CEP85L: variants seen among roughly 807,000 people sequenced by gnomAD.
The protein encoded by CEP85L is centrosomal protein of 85 kDa-like.
Under a neutral mutation model 100.3 loss-of-function variants are expected in CEP85L, and 60 were observed. That is an observed-to-expected ratio of 0.60 (90% CI 0.49 to 0.74). The LOEUF (loss-of-function observed/expected upper bound fraction) is 0.74. CEP85L is among the 30% of genes least tolerant of loss of function. The probability of loss-of-function intolerance (pLI) is 0.00; values close to 1 mark genes in which losing one functional copy is unlikely to be tolerated. For synonymous variants in CEP85L, 319 were observed against 322.7 expected (o/e 0.99, Z 0.12); for missense variants, 973 against 936.2 (o/e 1.04, Z -0.51).
At chr6:118,538,678 AAGAC>A (rs1199970858) in intron 3 of CEP85L, among the ~76,000 whole-genome samples, 2 of 125,558 alleles carry the variant, frequency 1.6e-5, no homozygotes, top group Non-Finnish European at 3.7e-5. Context: ...TGGTTTATCC[AAGAC>A]AGACAGTAAC....
At chr6:118,605,009 C>A (rs908253450) in intron 2 of CEP85L, among the ~76,000 whole-genome samples, 6 of 152,092 alleles carry the variant, frequency 3.9e-5, no homozygotes, top group Non-Finnish European at 8.8e-5. Flanking sequence ...CATAAACATA[C>A]AACACATATT....
chr6:118,565,483 C>T, intron 3 of CEP85L, 46 bp downstream of exon 3: 1 of 1,553,916 alleles, frequency 6.4e-7, no homozygotes, highest in Non-Finnish European at 8.9e-7. Context: ...CTACTGTACT[C>T]ATAACATCCA....
intron 3 of CEP85L, among the ~76,000 whole-genome samples, chr6:118,539,777 G>C (rs1426656020): frequency 3.3e-5 from 5 of 152,052 alleles, no homozygotes; most frequent in Non-Finnish European, 7.4e-5. Context: ...CTACTAAAGG[G>C]AGCTATCTTG....
At chr6:118,648,554 A>G (rs924190340) in intron 1 of CEP85L, among the ~76,000 whole-genome samples, 1 of 152,142 alleles carries the variant, frequency 6.6e-6, no homozygotes, top group Admixed American at 6.5e-5. Flanking sequence ...ACCCTGGGTA[A>G]CACGGTGAAA....
At chr6:118,569,811 A>T (rs1031179261) in intron 2 of CEP85L, among the ~76,000 whole-genome samples, 1 of 152,080 alleles carries the variant, frequency 6.6e-6, no homozygotes, top group Non-Finnish European at 1.5e-5. Flanking sequence ...ACTCAATTTT[A>T]AAATAGGCCA....
intron 1 of CEP85L, among the ~76,000 whole-genome samples, chr6:118,642,134 A>G (rs2115354314): frequency 6.6e-6 from 1 of 152,364 alleles, no homozygotes; most frequent in Admixed American, 6.5e-5. Flanking sequence ...GTACATTTTA[A>G]AATTGATAAA....
At chr6:118,580,345 C>T (rs1297812334) in intron 2 of CEP85L, among the ~76,000 whole-genome samples, 1 of 152,152 alleles carries the variant, frequency 6.6e-6, no homozygotes, top group African/African-American at 2.4e-5. Flanking sequence ...GTGCACTGGC[C>T]GGGAATCCGA....
rs1554228034 is a variant in CEP85L, at chr6:118,600,296, T to TGGGGGGGG, written c.232+32156_232+32157insCCCCCCCC. ...AGTACTGCCTGTCCCTGAGCCTTCC[T>TGGGGGGGG]GGGGGTGTGTGTGTGTGTGTGTGTG... On this transcript the variant is annotated intron_variant, in intron 2 of 12. Coordinates refer to ENST00000368491, the MANE Select transcript of CEP85L (RefSeq NM_001042475.3). 4.7e-4 allele frequency among the ~76,000 whole-genome samples: 16 copies of TGGGGGGGG among 34,166 alleles called. 4 individuals are homozygous for TGGGGGGGG. Among genetic ancestry groups the TGGGGGGGG allele is most frequent in the Admixed American group, 7.5e-4 (2 of 2,660 alleles). The allele number at this position is 34,166 out of a possible 152,430, so 22.4% of individuals were successfully genotyped here. A position where few individuals can be genotyped will look rare whatever the true frequency, so the allele number is the denominator to read the frequency against.
At chr6:118,503,523 A>T (rs1264959278) in intron 5 of CEP85L, among the ~76,000 whole-genome samples, 3 of 152,166 alleles carry the variant, frequency 2.0e-5, no homozygotes, top group Non-Finnish European at 4.4e-5. Context: ...TACTGACACT[A>T]CCCAACTTCA....
At chr6:118,546,818 C>T (rs1778232749) in intron 3 of CEP85L, among the ~76,000 whole-genome samples, 1 of 152,088 alleles carries the variant, frequency 6.6e-6, no homozygotes, top group Admixed American at 6.5e-5. Flanking sequence ...ATGGTTGTAG[C>T]ACTGAGAAAA....
At chr6:118,503,737 A>AG (rs1441631901) in intron 5 of CEP85L, among the ~76,000 whole-genome samples, 1 of 151,826 alleles carries the variant, frequency 6.6e-6, no homozygotes, top group Non-Finnish European at 1.5e-5. Flanking sequence ...CCACATGCAA[A>AG]GAAAAAAAAA....
intron 2 of CEP85L, among the ~76,000 whole-genome samples, chr6:118,580,712 A>T (rs981890837): frequency 6.6e-6 from 1 of 152,220 alleles, no homozygotes; most frequent in African/African-American, 2.4e-5. Context: ...AGACCTCTGG[A>T]CCAGACCCAG....
chr6:118,479,748 C>T, intron 10 of CEP85L, 123 bp downstream of exon 10: 1 of 460,568 alleles, frequency 2.2e-6, no homozygotes, highest in Non-Finnish European at 3.8e-6. Flanking sequence ...GCAACTTTAC[C>T]TCAGTGCTAT....
chr6:118,537,520 G>A, intron 3 of CEP85L: 1 of 985,150 alleles, frequency 1.0e-6, no homozygotes, highest in Non-Finnish European at 1.2e-6. Flanking sequence ...ATATACATAG[G>A]TACCTCTTCT....
chr6:118,571,816 T>A (rs72952793), intron 2 of CEP85L, among the ~76,000 whole-genome samples: 20,293 of 152,200 alleles, frequency 0.13, 1,731 homozygotes, highest in Non-Finnish European at 0.18. Context: ...TTTTATTTTT[T>A]AAATAAAATT....
At chr6:118,606,755 C>T (rs1271563540) in intron 2 of CEP85L, among the ~76,000 whole-genome samples, 2 of 152,202 alleles carry the variant, frequency 1.3e-5, no homozygotes, top group African/African-American at 4.8e-5. Flanking sequence ...GTGTTCTAAG[C>T]CCGTGTTTTA....
chr6:118,474,006 T>C (rs1399334284), intron 10 of CEP85L, among the ~76,000 whole-genome samples: 4 of 152,206 alleles, frequency 2.6e-5, no homozygotes, highest in Non-Finnish European at 5.9e-5. Context: ...CTTTCTTAAA[T>C]TAGTTATCAT....
chr6:118,694,068 A>G (rs193004804), intron 1 of CEP85L, among the ~76,000 whole-genome samples: 1 of 152,338 alleles, frequency 6.6e-6, no homozygotes, highest in East Asian at 1.9e-4. Flanking sequence ...AGTGACCACT[A>G]CAGTCCACAC....
At chr6:118,692,548 G>A (rs1777078759) in intron 1 of CEP85L, among the ~76,000 whole-genome samples, 1 of 152,078 alleles carries the variant, frequency 6.6e-6, no homozygotes, top group Admixed American at 6.5e-5. Context: ...TGAAACATCT[G>A]GGTTTTATTT....
Sources: gnomAD v4.1 joint callset for allele counts (sites outside exome capture counted in the v4.1 genomes callset) on GRCh38, gnomAD v4.1.1 for gene constraint, MANE v1.5 for transcripts, NCBI Gene and HGNC (gene_info 2026-07-23, HGNC 2026-07-21) for gene names.